LHFPL3: variants seen among roughly 807,000 people sequenced by gnomAD.
LHFPL3 encodes LHFPL tetraspan subfamily member 3.
Under a neutral mutation model 19.3 loss-of-function variants are expected in LHFPL3, and 5 were observed. That is an observed-to-expected ratio of 0.26 (90% CI 0.14 to 0.54). The LOEUF (loss-of-function observed/expected upper bound fraction) is 0.54, where lower values mean the gene tolerates loss of function less well. Among genes scored for constraint, LHFPL3 ranks in the 20% least tolerant of loss-of-function variants. The pLI is 0.94. For synonymous variants in LHFPL3, 133 were observed against 126.2 expected, an observed-to-expected ratio of 1.05 and a Z score of -0.36; for missense variants, 249 against 307.4, an observed-to-expected ratio of 0.81 and a Z score of 1.42.
At chr7:104,737,183 C>T (rs185245365) in intron 2 of LHFPL3, among the ~76,000 whole-genome samples, 2 of 152,146 alleles carry the variant, frequency 1.3e-5, no homozygotes, top group Admixed American at 6.5e-5. Flanking sequence ...CTTCCCTCTT[C>T]CTCTGATTTC....
intron 1 of LHFPL3, among the ~76,000 whole-genome samples, chr7:104,384,787 C>CAAAAAAAAAAAAAAAAAAAAAAA (rs771136918): frequency 1.3e-5 from 1 of 74,576 alleles, no homozygotes; most frequent in Non-Finnish European, 2.6e-5. Flanking sequence ...AACTCTATTT[C>CAAAAAAAAAAAAAAAAAAAAAAA]AAAAAAAAAA....
In LHFPL3 at chr7:104,863,390, T is replaced by C. The variant is rs972047632; in HGVS notation, c.683-42797T>C. 9.8e-5 allele frequency among the ~76,000 whole-genome samples: 15 copies of C among 152,308 alleles called. No homozygotes were observed. The East Asian group carries it at 2.5e-3, about 25-fold the overall frequency. On this transcript the variant is annotated intron_variant, in intron 2 of 2. Transcript: ENST00000424859. ...AGTATAGTCACTAACCACTTACAAA[T>C]AGCAGCACAGTTTAAGCCTCTGGGT...
rs951171084 is a variant in LHFPL3 at position 104,714,520 on chromosome 7, T to G, written c.446-22155T>G. ...AACAATTTGCCACAAGTCTGGGTTT[T>G]TTTTTTTTAGCAGTTCTTCATTTTA... is the stretch of plus-strand genomic sequence containing the variant. On this transcript the variant is annotated intron_variant, in intron 1 of 2. Transcript: ENST00000424859. Among the ~76,000 whole-genome samples the G allele has an allele frequency of 6.6e-5, 10 of 152,126 alleles. No individual in the cohort carries two copies. In the South Asian group the frequency reaches 1.2e-3, roughly 19 times the overall value.
At chr7:104,568,587 A>C (rs1160780187) in intron 1 of LHFPL3, among the ~76,000 whole-genome samples, 1 of 152,202 alleles carries the variant, frequency 6.6e-6, no homozygotes, top group South Asian at 2.1e-4. Context: ...AGAAAGTCCA[A>C]TGCAGCCTTA....
At chr7:104,704,017 T>A (rs1474108402) in intron 1 of LHFPL3, among the ~76,000 whole-genome samples, 1 of 152,192 alleles carries the variant, frequency 6.6e-6, no homozygotes, top group Non-Finnish European at 1.5e-5. Flanking sequence ...CATTTCACTT[T>A]CATGAAATTT....
At chr7:104,717,416 G>A (rs1459329706) in intron 1 of LHFPL3, among the ~76,000 whole-genome samples, 2 of 151,988 alleles carry the variant, frequency 1.3e-5, no homozygotes, top group Non-Finnish European at 2.9e-5. Context: ...TCTGATACAC[G>A]GTTAATTTCC....
At chr7:104,692,232 A>C (rs999192580) in intron 1 of LHFPL3, among the ~76,000 whole-genome samples, 3 of 152,260 alleles carry the variant, frequency 2.0e-5, no homozygotes, top group African/African-American at 7.2e-5. Context: ...GCAGAGCATA[A>C]AAGTTCAGAA....
At chr7:104,817,072 G>A (rs866204434) in intron 2 of LHFPL3, among the ~76,000 whole-genome samples, 1 of 151,978 alleles carries the variant, frequency 6.6e-6, no homozygotes, top group African/African-American at 2.4e-5. Context: ...ACACACCCTG[G>A]CCTTCCTAGC....
At chr7:104,573,641 C>T (rs1305184056) in intron 1 of LHFPL3, among the ~76,000 whole-genome samples, 3 of 152,176 alleles carry the variant, frequency 2.0e-5, no homozygotes, top group Non-Finnish European at 4.4e-5. Context: ...GCTGCAATGG[C>T]TCTTTCCTCC....
intron 2 of LHFPL3, chr7:104,757,775 A>T (rs985522475): frequency 7.2e-5 from 11 of 152,240 alleles, no homozygotes; most frequent in African/African-American, 2.4e-4. Context: ...TAGTTCAGCC[A>T]CTGTGGAAAG....
chr7:104,765,910 C>A (rs1047063276), intron 2 of LHFPL3, among the ~76,000 whole-genome samples: 11 of 152,204 alleles, frequency 7.2e-5, no homozygotes, highest in African/African-American at 2.7e-4. Context: ...TCTGGCAATC[C>A]TTCATGGTCA....
intron 1 of LHFPL3, among the ~76,000 whole-genome samples, chr7:104,448,884 A>T (rs1792379502): frequency 6.6e-6 from 1 of 152,192 alleles, no homozygotes; most frequent in East Asian, 1.9e-4. Flanking sequence ...GAATTGTAAA[A>T]CCCATTCAAG....
chr7:104,525,502 A>G (rs914410298), intron 1 of LHFPL3, among the ~76,000 whole-genome samples: 1 of 152,166 alleles, frequency 6.6e-6, no homozygotes, highest in African/African-American at 2.4e-5. Flanking sequence ...GAGGTAATTC[A>G]CAAGATTAAA....
intron 1 of LHFPL3, among the ~76,000 whole-genome samples, chr7:104,543,903 TATAATAATA>T (rs199906129): frequency 7.8e-4 from 113 of 145,396 alleles, no homozygotes; most frequent in South Asian, 1.8e-3. Flanking sequence ...TACCCCAAAA[TATAATAATA>T]ATAATAATAA....
At position 104,585,480 on chromosome 7, in the gene LHFPL3, A is replaced by AACACACAAACACACACACAC. The variant is rs368941359; in HGVS notation, c.446-151188_446-151187insAACACACACACACACACACA. ...AAAGTGGAATAAGGCAACACACACAAACACACACACACACACACACACACA... is the reference window on the plus strand; with the variant it reads ...AAAGTGGAATAAGGCAACACACACAAACACACAAACACACACACACACACACACACACACACACACACACA... On this transcript the variant is annotated intron_variant, in intron 1 of 2. Coordinates refer to ENST00000424859, the MANE Select transcript of LHFPL3 (RefSeq NM_199000.3). Among the ~76,000 whole-genome samples the AACACACAAACACACACACAC allele has an allele frequency of 2.6e-4, 32 of 123,460 alleles. No individual in the cohort carries two copies. In the East Asian group the frequency reaches 6.7e-3, roughly 26 times the overall value. The allele number at this position is 123,460 out of a possible 152,430, so 81.0% of individuals were successfully genotyped here. A position where few individuals can be genotyped will look rare whatever the true frequency, so the allele number is the denominator to read the frequency against.
rs1356305162 is a variant in LHFPL3, at chr7:104,514,792, T to A, written c.445+185568T>A. On this transcript the variant is annotated intron_variant, in intron 1 of 2. Coordinates refer to ENST00000424859, the MANE Select transcript of LHFPL3 (RefSeq NM_199000.3). ...GTGAGATTCATATATCGGGCATTTT[T>A]AAATTCTCTAGGGTGATTGAATATG... 5.9e-5 allele frequency among the ~76,000 whole-genome samples: 9 copies of A among 152,330 alleles called. No homozygotes were observed. In the South Asian group the frequency reaches 1.9e-3, roughly 32 times the overall value.
At chr7:104,515,530 G>A (rs554258128) in intron 1 of LHFPL3, among the ~76,000 whole-genome samples, 6 of 152,226 alleles carry the variant, frequency 3.9e-5, no homozygotes, top group South Asian at 2.1e-4. Context: ...AAAAGCCAGC[G>A]TTACCTCCTC....
chr7:104,905,651 G>C (rs904590917), intron 2 of LHFPL3, among the ~76,000 whole-genome samples: 5 of 152,150 alleles, frequency 3.3e-5, no homozygotes, highest in African/African-American at 1.2e-4. Flanking sequence ...ATGTTTAAAT[G>C]TTTAAAGTAT....
chr7:104,509,427 T>C (rs1301314804), intron 1 of LHFPL3, among the ~76,000 whole-genome samples: 2 of 152,132 alleles, frequency 1.3e-5, no homozygotes, highest in African/African-American at 4.8e-5. Context: ...GCTAGTTTAA[T>C]ATTTTAAAAT....
Sources: allele counts gnomAD v4.1 joint callset (sites outside exome capture counted in the v4.1 genomes callset), GRCh38; gene constraint gnomAD v4.1.1; transcripts MANE v1.5; gene names NCBI Gene and HGNC (gene_info 2026-07-23, HGNC 2026-07-21).